The following EPSTI1 variants were observed in gnomAD, a reference collection of about 807,000 sequenced individuals.
The protein encoded by EPSTI1 is epithelial-stromal interaction protein 1.
EPSTI1 carries 66 observed loss-of-function variants against 49.9 expected under a neutral mutation model. That is an observed-to-expected ratio of 1.32 (90% confidence interval 1.08 to 1.62). The LOEUF (loss-of-function observed/expected upper bound fraction) is 1.62. EPSTI1 is among the 40% of genes most tolerant of loss of function. The probability of loss-of-function intolerance (pLI) is 0.00; values close to 1 mark genes in which losing one functional copy is unlikely to be tolerated. For missense variants in EPSTI1, 394 were observed against 365.5 expected (o/e 1.08, Z -0.64); for synonymous variants, 137 against 130.7 (o/e 1.05, Z -0.33).
chr13:42,984,981 T>C (rs1485012062), intron 1 of EPSTI1, among the ~76,000 whole-genome samples: 1 of 152,162 alleles, frequency 6.6e-6, no homozygotes, highest in Non-Finnish European at 1.5e-5. Flanking sequence ...GAGACTGTAT[T>C]AGTTTGAGTC....
At chr13:42,967,926 A>C (rs1046834052) in intron 3 of EPSTI1, among the ~76,000 whole-genome samples, 2 of 152,310 alleles carry the variant, frequency 1.3e-5, no homozygotes, top group Middle Eastern at 3.4e-3. Flanking sequence ...TTCCTACCTG[A>C]AACAGGCCTG....
chr13:42,941,431 T>C (rs1411519178), intron 6 of EPSTI1, among the ~76,000 whole-genome samples: 6 of 152,042 alleles, frequency 3.9e-5, no homozygotes, highest in African/African-American at 1.4e-4. Flanking sequence ...TTTTCCCCAA[T>C]AGTCATTTTT....
At chr13:42,943,868 A>G (rs1385986880) in intron 6 of EPSTI1, among the ~76,000 whole-genome samples, 5 of 152,244 alleles carry the variant, frequency 3.3e-5, no homozygotes, top group Admixed American at 3.3e-4. Flanking sequence ...GCATATGAAC[A>G]GACACTTCTC....
intron 6 of EPSTI1, 93 bp downstream of exon 6, chr13:42,953,855 C>T (rs2039178406): frequency 1.1e-6 from 1 of 899,460 alleles, no homozygotes; most frequent in Non-Finnish European, 1.7e-6. Flanking sequence ...TAATCCAATA[C>T]CAGGTGTTTT....
At chr13:42,929,253 G>A (rs1344012883) in intron 6 of EPSTI1, among the ~76,000 whole-genome samples, 1 of 152,162 alleles carries the variant, frequency 6.6e-6, no homozygotes, top group African/African-American at 2.4e-5. Flanking sequence ...TTCACACAAG[G>A]TCATCATGCA....
chr13:42,941,220 G>T (rs886426961), intron 6 of EPSTI1, among the ~76,000 whole-genome samples: 1 of 152,000 alleles, frequency 6.6e-6, no homozygotes, highest in Admixed American at 6.5e-5. Flanking sequence ...TTTTGACATT[G>T]GTTTGAAAGA....
intron 6 of EPSTI1, among the ~76,000 whole-genome samples, chr13:42,945,030 C>G (rs1350578395): frequency 1.3e-5 from 2 of 152,210 alleles, no homozygotes; most frequent in Non-Finnish European, 2.9e-5. Flanking sequence ...GAGCAAAGCT[C>G]TGCTTCCTTA....
intron 8 of EPSTI1, among the ~76,000 whole-genome samples, chr13:42,909,888 T>G (rs535417662): frequency 6.6e-5 from 10 of 152,272 alleles, no homozygotes; most frequent in African/African-American, 2.4e-4. Flanking sequence ...TAATGACAGT[T>G]GTAATTAATG....
chr13:42,958,051 C>A (rs951114907), intron 5 of EPSTI1, among the ~76,000 whole-genome samples: 17 of 152,196 alleles, frequency 1.1e-4, no homozygotes, highest in Admixed American at 1.0e-3. Context: ...GGATTACAGG[C>A]ATGAATCACT....
At chr13:42,981,796 G>C (rs2039991783) in intron 1 of EPSTI1, among the ~76,000 whole-genome samples, 1 of 152,154 alleles carries the variant, frequency 6.6e-6, no homozygotes, top group Non-Finnish European at 1.5e-5. Flanking sequence ...AACAAGAATA[G>C]AAACTGTCAG....
At chr13:42,894,575 T>C (rs557576736) in intron 10 of EPSTI1, among the ~76,000 whole-genome samples, 1 of 152,228 alleles carries the variant, frequency 6.6e-6, no homozygotes, top group South Asian at 2.1e-4. Context: ...TAAAAAATCA[T>C]TTCATAGTGA....
Position 42,922,557 on chromosome 13 carries a change from A to C in EPSTI1, c.657+3779T>G, listed in dbSNP as rs2153420484. 6.6e-6 allele frequency among the ~76,000 whole-genome samples: 1 copy of C among 152,094 alleles called. No individual in the cohort carries two copies. Among genetic ancestry groups the C allele is most frequent in the South Asian group, 2.1e-4 (1 of 4,818 alleles). On this transcript the variant is annotated intron_variant, in intron 7 of 10. Transcript: ENST00000313624. This position sits in a 1 kb window ranked among gnomAD's most constrained non-coding sequence, Gnocchi z 4.8. ...GATACCCTCATTTTAGCATTTTAAA[A>C]CCCATTTTTATTGCTGACCTCCAGA...
At chr13:42,907,971 A>G (rs1365135868) in intron 8 of EPSTI1, among the ~76,000 whole-genome samples, 2 of 152,214 alleles carry the variant, frequency 1.3e-5, no homozygotes, top group Non-Finnish European at 2.9e-5. Context: ...ATTTTTGGCA[A>G]AAGGGCCAAG....
In EPSTI1 at chr13:42,922,486, A is replaced by G. The variant is rs1278281893; in HGVS notation, c.657+3850T>C. Among the ~76,000 whole-genome samples the G allele has an allele frequency of 6.6e-6, 1 of 152,170 alleles. No individual in the cohort carries two copies. The highest frequency in any genetic ancestry group is 1.5e-5 in the Non-Finnish European group (1 of 68,026). ...CCGTGTGCCAAGGGTTTGCGGGGAC[A>G]GGGGACAGATGCCCCCCGGAAGCTT... On this transcript the variant is annotated intron_variant, in intron 7 of 10. Transcript: ENST00000313624. The surrounding 1 kb of genome is among the most constrained non-coding windows in gnomAD (Gnocchi z 4.8).
rs1555267784 is a variant in EPSTI1 at position 42,964,097 on chromosome 13, A to T, written c.374T>A (p.Leu125His). 2 of 1,613,448 alleles carry T rather than the reference A, an allele frequency of 1.2e-6. No individual in the cohort carries two copies. Among genetic ancestry groups the T allele is most frequent in the Non-Finnish European group, 1.7e-6 (2 of 1,179,768 alleles). Residue 125 changes from leucine to histidine, a missense_variant, in exon 4 of 11, where the codon CTC (leucine) becomes CAC (histidine). Transcript: ENST00000313624. ...SETEVRQKQQ[L>H]QLMQSKYKQK... Reference sequence around the variant, plus strand: ...CTTGTATTTAGATTGCATCAGCTGGAGTTGTTGTTTCTGTCTGACTTCAGT... The same window carrying T: ...CTTGTATTTAGATTGCATCAGCTGGTGTTGTTGTTTCTGTCTGACTTCAGT...
chr13:42,970,437 G>C (rs1314896617), intron 2 of EPSTI1, 175 bp downstream of exon 2: 1 of 485,278 alleles, frequency 2.1e-6, no homozygotes, highest in Non-Finnish European at 3.6e-6. Context: ...AACAAACTTA[G>C]AAGTGTTAAT....
intron 6 of EPSTI1, among the ~76,000 whole-genome samples, chr13:42,946,757 G>T (rs2038930738): frequency 6.6e-6 from 1 of 152,164 alleles, no homozygotes; most frequent in Non-Finnish European, 1.5e-5. Flanking sequence ...TATTTTGAAG[G>T]TCAGGAATAT....
At chr13:42,962,429 A>G (rs1369887206) in intron 5 of EPSTI1, among the ~76,000 whole-genome samples, 1 of 152,116 alleles carries the variant, frequency 6.6e-6, no homozygotes, top group Non-Finnish European at 1.5e-5. Flanking sequence ...CAACAGAATT[A>G]CAGTTATCAT....
At chr13:42,924,399 T>C (rs908941441) in intron 7 of EPSTI1, among the ~76,000 whole-genome samples, 1 of 152,204 alleles carries the variant, frequency 6.6e-6, no homozygotes. Flanking sequence ...ATGCTTTGGA[T>C]GACAATATTA....
Sources: gnomAD v4.1 joint callset for allele counts (sites outside exome capture counted in the v4.1 genomes callset) on GRCh38, gnomAD v4.1.1 for gene constraint, Gnocchi (gnomAD v3.1) non-coding constraint, MANE v1.5 for transcripts, NCBI Gene and HGNC (gene_info 2026-07-23, HGNC 2026-07-21) for gene names.